Variants in PHAX observed in about 807,000 individuals in gnomAD.
PHAX encodes the protein phosphorylated adaptor for RNA export, also known as phosphorylated adapter RNA export protein.
Under a neutral mutation model 41.6 loss-of-function variants are expected in PHAX, and 31 were observed. The ratio of observed to expected loss-of-function variants is 0.75; its 90% CI spans 0.56 to 1.01. The LOEUF is 1.01. Among genes scored for constraint, PHAX ranks in the 50% least tolerant of loss-of-function variants. PHAX has a pLI of 0.00. For synonymous variants in PHAX, 175 were observed against 164.9 expected, an observed-to-expected ratio of 1.06 and a Z score of -0.47; for missense variants, 453 against 472.9, an observed-to-expected ratio of 0.96 and a Z score of 0.39.
chr5:126,623,764 C>A (rs1410430643), intron 4 of PHAX, among the ~76,000 whole-genome samples: 1 of 152,048 alleles, frequency 6.6e-6, no homozygotes, highest in African/African-American at 2.4e-5. Flanking sequence ...TTCCATAGTG[C>A]TTTTTATAAA....
chr5:126,609,095 A>AATT (rs1554102816), intron 3 of PHAX, among the ~76,000 whole-genome samples: 3 of 101,258 alleles, frequency 3.0e-5, no homozygotes, highest in Non-Finnish European at 5.3e-5. Context: ...TAGGGGTTGA[A>AATT]TTTTTTTTTT....
chr5:126,606,313 A>C (rs1351887346), intron 2 of PHAX, among the ~76,000 whole-genome samples: 1 of 152,046 alleles, frequency 6.6e-6, no homozygotes, highest in Non-Finnish European at 1.5e-5. Context: ...CTCATGCCTC[A>C]GCCTCGTGAG....
intron 3 of PHAX, among the ~76,000 whole-genome samples, chr5:126,608,727 G>A (rs1037372391): frequency 2.6e-5 from 4 of 151,754 alleles, no homozygotes; most frequent in African/African-American, 4.8e-5. Context: ...ACCTGAGATC[G>A]GGAGTTCGAG....
chr5:126,622,027 G>A (rs898832760), intron 4 of PHAX, among the ~76,000 whole-genome samples: 4 of 152,054 alleles, frequency 2.6e-5, no homozygotes, highest in African/African-American at 9.7e-5. Context: ...GAGTGCAGTG[G>A]TGAGATCTTG....
intron 4 of PHAX, among the ~76,000 whole-genome samples, chr5:126,618,914 C>T (rs1489791249): frequency 6.6e-6 from 1 of 152,116 alleles, no homozygotes; most frequent in Non-Finnish European, 1.5e-5. Flanking sequence ...GCCTTGGCCT[C>T]CCAAAGTGCT....
At chr5:126,616,348 G>A (rs573501393) in intron 3 of PHAX, among the ~76,000 whole-genome samples, 1 of 152,152 alleles carries the variant, frequency 6.6e-6, no homozygotes, top group African/African-American at 2.4e-5. Context: ...CACCCGCCTC[G>A]GCGTCCAAAG....
At chr5:126,607,859 A>T (rs974654220) in intron 2 of PHAX, among the ~76,000 whole-genome samples, 3 of 152,088 alleles carry the variant, frequency 2.0e-5, no homozygotes, top group Admixed American at 6.6e-5. Context: ...GGTTCTTAGG[A>T]TTGTGCTTAT....
At chr5:126,606,173 G>T (rs1256217566) in intron 2 of PHAX, among the ~76,000 whole-genome samples, 2 of 151,640 alleles carry the variant, frequency 1.3e-5, no homozygotes, top group Non-Finnish European at 2.9e-5. Context: ...TTGTTTTTTT[G>T]TGTGTGTGGT....
At chr5:126,601,603 A>G (rs1751905130) in intron 1 of PHAX, among the ~76,000 whole-genome samples, 1 of 152,138 alleles carries the variant, frequency 6.6e-6, no homozygotes, top group South Asian at 2.1e-4. Context: ...CTGGTTTTCC[A>G]TGTTTCCACC....
intron 1 of PHAX, among the ~76,000 whole-genome samples, chr5:126,602,488 A>T (rs1363668465): frequency 6.6e-6 from 1 of 152,252 alleles, no homozygotes; most frequent in Non-Finnish European, 1.5e-5. Context: ...AATGCCTGGT[A>T]AGTGTTATCT....
At chr5:126,612,786 C>G (rs1752124688) in intron 3 of PHAX, among the ~76,000 whole-genome samples, 2 of 152,156 alleles carry the variant, frequency 1.3e-5, no homozygotes, top group African/African-American at 2.4e-5. Context: ...GCAGGAAAAG[C>G]CTTTCCAATG....
rs1752323587 is a variant in PHAX at position 126,624,859 on chromosome 5, G to A, written c.*15G>A. The A allele has an allele frequency of 6.3e-7, 1 of 1,591,206 alleles. No individual in the cohort carries two copies. The highest frequency in any genetic ancestry group is 2.2e-5 in the East Asian group (1 of 44,644). The stretch of plus-strand genomic sequence containing the variant: ...ACATCTTTTAAGTACATTTTCAACA[G>A]TTTGAGGACTAAGCCTTTCTAAAAT... On this transcript the variant is annotated 3_prime_UTR_variant, in exon 5 of 5. Coordinates refer to ENST00000297540, the MANE Select transcript of PHAX (RefSeq NM_032177.4).
intron 1 of PHAX, among the ~76,000 whole-genome samples, chr5:126,602,066 C>T (rs950891054): frequency 6.6e-6 from 1 of 152,242 alleles, no homozygotes; most frequent in African/African-American, 2.4e-5. Flanking sequence ...CCGCCTCGGC[C>T]TCCCAAAGTG....
intron 1 of PHAX, among the ~76,000 whole-genome samples, chr5:126,601,391 T>C (rs2112827000): frequency 6.6e-6 from 1 of 152,280 alleles, no homozygotes; most frequent in African/African-American, 2.4e-5. Flanking sequence ...CTCTTAGACG[T>C]CTCACCTCCG....
chr5:126,623,668 C>A (rs1752305048), intron 4 of PHAX, among the ~76,000 whole-genome samples: 1 of 152,174 alleles, frequency 6.6e-6, no homozygotes, highest in South Asian at 2.1e-4. Flanking sequence ...TTTCAAAGAT[C>A]TTTACACCTT....
At chr5:126,612,370 T>G (rs1465427926) in intron 3 of PHAX, among the ~76,000 whole-genome samples, 1 of 152,082 alleles carries the variant, frequency 6.6e-6, no homozygotes, top group Non-Finnish European at 1.5e-5. Flanking sequence ...TTACTTTAAA[T>G]GAAATGGCCC....
chr5:126,614,331 T>A (rs1752151705), intron 3 of PHAX, among the ~76,000 whole-genome samples: 1 of 152,022 alleles, frequency 6.6e-6, no homozygotes, highest in South Asian at 2.1e-4. Context: ...ACTCCTGACC[T>A]CAAGTGATCC....
Position 126,617,403 on chromosome 5 carries a change from T to C in PHAX, c.915+70T>C, listed in dbSNP as rs1752202083. On this transcript the variant is annotated intron_variant, in intron 4 of 4. Coordinates refer to ENST00000297540, the MANE Select transcript of PHAX (RefSeq NM_032177.4). ...TTCTACTCACCCTCTACCTTCATTT[T>C]CTATGGATATGCATTACCTGTTCTG... The C allele has an allele frequency of 6.1e-6, 5 of 824,766 alleles. No homozygotes were observed. The East Asian group carries it at 7.7e-5, about 13-fold the overall frequency. 51.1% of individuals were successfully genotyped at this position (824,766 alleles called of 1,614,324 possible). A position where few individuals can be genotyped will look rare whatever the true frequency, so the allele number is the denominator to read the frequency against.
intron 4 of PHAX, among the ~76,000 whole-genome samples, chr5:126,620,434 A>C (rs1752251624): frequency 1.3e-5 from 2 of 152,198 alleles, no homozygotes; most frequent in African/African-American, 4.8e-5. Flanking sequence ...CTCCCACTGG[A>C]CCAAAGATTA....
Sources: allele counts gnomAD v4.1 joint callset (sites outside exome capture counted in the v4.1 genomes callset), GRCh38; gene constraint gnomAD v4.1.1; transcripts MANE v1.5; gene names NCBI Gene and HGNC (gene_info 2026-07-23, HGNC 2026-07-21).